Variants in GAS6 observed in about 807,000 individuals in gnomAD.
GAS6 encodes the protein growth arrest-specific protein 6.
A neutral mutation model predicts 75.8 loss-of-function variants in GAS6; 41 were observed. The ratio of observed to expected loss-of-function variants is 0.54; its 90% confidence interval spans 0.42 to 0.70. The LOEUF (loss-of-function observed/expected upper bound fraction) is 0.70. Ranked by LOEUF, GAS6 falls within the 30% of genes least tolerant of loss-of-function variation. The probability of loss-of-function intolerance (pLI) is 0.00; values close to 1 mark genes in which losing one functional copy is unlikely to be tolerated. For synonymous variants in GAS6, 432 were observed against 412.6 expected, an observed-to-expected ratio of 1.05 and a Z score of -0.57; for missense variants, 854 against 940.2, an observed-to-expected ratio of 0.91 and a Z score of 1.20.
rs769241728 is a variant in GAS6 at position 113,821,953 on chromosome 13, C to T, written c.1882+5G>A. 113 of 1,525,788 alleles carry T rather than the reference C, an allele frequency of 7.4e-5. No homozygotes were observed. The highest frequency in any genetic ancestry group is 9.7e-5 in the Non-Finnish European group (111 of 1,138,652). 94.5% of individuals were successfully genotyped at this position (1,525,788 alleles called of 1,614,324 possible). A position where few individuals can be genotyped will look rare whatever the true frequency, so the allele number is the denominator to read the frequency against. ...CCCGGGTTGAGCGGAGCAGGGAGCACCTACCTGGCAGGCCGCCAGCAAAGG... is the reference window on the plus strand; with the variant it reads ...CCCGGGTTGAGCGGAGCAGGGAGCATCTACCTGGCAGGCCGCCAGCAAAGG... On this transcript the variant is annotated splice_donor_5th_base_variant and intron_variant, in intron 14 of 14. Coordinates refer to ENST00000327773, the MANE Select transcript of GAS6 (RefSeq NM_000820.4).
At chr13:113,822,267 C>G (rs2051471085) in intron 13 of GAS6, 81 bp from the exon 14 acceptor site, 1 of 1,092,414 alleles carries the variant, frequency 9.2e-7, no homozygotes, top group Admixed American at 2.8e-5. Flanking sequence ...CTCACAGCTG[C>G]TGGCCACCCC....
At chr13:113,839,935 G>C in intron 4 of GAS6, 85 bp from the exon 5 acceptor site, 1 of 1,597,924 alleles carries the variant, frequency 6.3e-7, no homozygotes, top group Non-Finnish European at 8.5e-7. Flanking sequence ...GCGGCTGTGG[G>C]GTCTCGGGTC....
intron 8 of GAS6, chr13:113,833,500 C>G (rs2138632693): frequency 1.0e-6 from 1 of 993,418 alleles, no homozygotes; most frequent in Middle Eastern, 5.2e-4. Context: ...AGGCACAGGC[C>G]CAGGCTGAAG....
Position 113,863,819 on chromosome 13 carries a change from C to T in GAS6, c.88+14G>A. On this transcript the variant is annotated intron_variant, in intron 1 of 14. Transcript: ENST00000327773. This position sits in a 1 kb window ranked among gnomAD's most constrained non-coding sequence, Gnocchi z 9.4. ...CGCCGCCCGGGGACGGGGTCTCGGG[C>T]CCGCGGGACTCACCAAGCGCGCACT... 2.2e-6 allele frequency: 3 copies of T among 1,367,438 alleles called. No homozygotes were observed. The highest frequency in any genetic ancestry group is 2.8e-6 in the Non-Finnish European group (3 of 1,071,600). The allele number at this position is 1,367,438 out of a possible 1,614,324, so 84.7% of individuals were successfully genotyped here. A position where few individuals can be genotyped will look rare whatever the true frequency, so the allele number is the denominator to read the frequency against.
At position 113,837,109 on chromosome 13, in the gene GAS6, A is replaced by C. The variant is rs2051726078; in HGVS notation, c.589+960T>G. On this transcript the variant is annotated intron_variant, in intron 6 of 14. Transcript: ENST00000327773. The surrounding 1 kb of genome is among the most constrained non-coding windows in gnomAD (Gnocchi z 5.1). Reference sequence around the variant, plus strand: ...TAAACCTGGGGTGCTGCTGTCTTCCAGGTCAGGGATAGAGCAGTGATGGGA... The same window carrying C: ...TAAACCTGGGGTGCTGCTGTCTTCCCGGTCAGGGATAGAGCAGTGATGGGA... Among the ~76,000 whole-genome samples, 1 of 151,876 alleles carries C rather than the reference A, an allele frequency of 6.6e-6. No homozygotes were observed. Among genetic ancestry groups the C allele is most frequent in the East Asian group, 1.9e-4 (1 of 5,174 alleles).
intron 2 of GAS6, among the ~76,000 whole-genome samples, chr13:113,858,399 CTGTG>C (rs141955652): frequency 0.014 from 2,159 of 150,458 alleles, 47 homozygotes; most frequent in African/African-American, 0.05. Flanking sequence ...GTGTGTGTGA[CTGTG>C]TGTTTACATA....
intron 12 of GAS6, among the ~76,000 whole-genome samples, chr13:113,824,476 C>T (rs188894732): frequency 1.1e-3 from 163 of 152,208 alleles, no homozygotes; most frequent in Non-Finnish European, 1.2e-3. Context: ...AATGCCACGG[C>T]ATATCCTCTC....
In GAS6 at chr13:113,828,714, G is replaced by A; in HGVS notation, c.1144-3C>T. On this transcript the variant is annotated splice_polypyrimidine_tract_variant and splice_region_variant and intron_variant, in intron 10 of 14. Coordinates refer to ENST00000327773, the MANE Select transcript of GAS6 (RefSeq NM_000820.4). The stretch of plus-strand genomic sequence containing the variant: ...CGCGCCAGCTCCTCAACAGAGATCT[G>A]AAGAGAGGCAGCGCCATGAGAAAAG... The A allele has an allele frequency of 6.2e-7, 1 of 1,612,582 alleles. No individual in the cohort carries two copies. Among genetic ancestry groups the A allele is most frequent in the Non-Finnish European group, 8.5e-7 (1 of 1,179,538 alleles).
chr13:113,839,668 G>C (rs1594201595), intron 5 of GAS6, 60 bp downstream of exon 5: 1 of 1,590,542 alleles, frequency 6.3e-7, no homozygotes, highest in East Asian at 2.3e-5. Context: ...GTGAGGAGCG[G>C]GGATCAGGGC....
rs113960595 is a variant in GAS6, at chr13:113,829,192, G to C, written c.1144-481C>G. On this transcript the variant is annotated intron_variant, in intron 10 of 14. Coordinates refer to ENST00000327773, the MANE Select transcript of GAS6 (RefSeq NM_000820.4). The stretch of plus-strand genomic sequence containing the variant: ...GAGCCAAGAGGGTCCCGATCTCAGG[G>C]AGACCACCTGATCCTCACCTGGGCC... Among the ~76,000 whole-genome samples the C allele has an allele frequency of 6.9e-3, 444 of 64,798 alleles. 1 individual carries two copies. The highest frequency in any genetic ancestry group is 0.023 in the Middle Eastern group (2 of 86). 42.5% of individuals were successfully genotyped at this position (64,798 alleles called of 152,430 possible).
intron 2 of GAS6, among the ~76,000 whole-genome samples, chr13:113,857,308 AACTGAT>A (rs774822146): frequency 4.6e-5 from 7 of 152,132 alleles, no homozygotes; most frequent in Non-Finnish European, 8.8e-5. Context: ...TGAAAGGCAA[AACTGAT>A]ACTGTTCTTA....
Position 113,823,361 on chromosome 13 carries a change from G to A in GAS6, c.1653+14C>T, listed in dbSNP as rs370213484. On this transcript the variant is annotated intron_variant, in intron 13 of 14. Transcript: ENST00000327773. Reference sequence around the variant, plus strand: ...TCGAGCCGGTCAGGACGCCCTGGGTGGCGGAGGCCCTACCTGCTTCTTGAG... The same window carrying A: ...TCGAGCCGGTCAGGACGCCCTGGGTAGCGGAGGCCCTACCTGCTTCTTGAG... 8.1e-6 allele frequency: 13 copies of A among 1,600,548 alleles called. No homozygotes were observed. The highest frequency in any genetic ancestry group is 1.7e-5 in the Admixed American group (1 of 59,556).
At position 113,837,868 on chromosome 13, in the gene GAS6, C is replaced by T. The variant is rs559789797; in HGVS notation, c.589+201G>A. Among the ~76,000 whole-genome samples the T allele has an allele frequency of 6.6e-6, 1 of 152,168 alleles. No homozygotes were observed. Among genetic ancestry groups the T allele is most frequent in the South Asian group, 2.1e-4 (1 of 4,832 alleles). On this transcript the variant is annotated intron_variant, in intron 6 of 14. Transcript: ENST00000327773. This position sits in a 1 kb window ranked among gnomAD's most constrained non-coding sequence, Gnocchi z 5.1. ...CCCCTGAGTCCTGGCCCTCAGATGC[C>T]GGGTGAGTCATCCTGGTGTGGTGCC...
rs752831869 is a variant in GAS6, at chr13:113,838,162, C to T, written c.496G>A (p.Gly166Ser). The T allele has an allele frequency of 6.2e-7, 1 of 1,612,892 alleles. No individual in the cohort carries two copies. The highest frequency in any genetic ancestry group is 8.5e-7 in the Non-Finnish European group (1 of 1,179,908). ...DVNECSQENGGCLQICHNKPG... is the reference protein window; with the variant it reads ...DVNECSQENGSCLQICHNKPG... Reference sequence around the variant, plus strand: ...TTGTTGTGGCAGATCTGGAGGCAGCCCCCGTTCTCCTGGCTGCATTCGTTG... The same window carrying T: ...TTGTTGTGGCAGATCTGGAGGCAGCTCCCGTTCTCCTGGCTGCATTCGTTG... The change falls in exon 6 of 15, where the codon GGC (glycine) becomes AGC (serine). Residue 166 changes from glycine (G) to serine (S), a missense_variant. By Grantham distance (56) the Gly-to-Ser change is moderately conservative. Transcript: ENST00000327773.
rs1421578749 is a variant in GAS6, at chr13:113,828,686, T to C, written c.1169A>G (p.Asn390Ser). 3.7e-6 allele frequency: 6 copies of C among 1,613,434 alleles called. No homozygotes were observed. In the Admixed American group the frequency reaches 1.0e-4, roughly 27 times the overall value. The part of the protein sequence containing the change: ...QTISVEELAR[N>S]LVIKVNRDAV... Reference sequence around the variant, plus strand: ...ATCCCTGTTGACCTTGATGACCAGATTCCGCGCCAGCTCCTCAACAGAGAT... The same window carrying C: ...ATCCCTGTTGACCTTGATGACCAGACTCCGCGCCAGCTCCTCAACAGAGAT... The change falls in exon 11 of 15, where the codon AAT (asparagine) becomes AGT (serine). Residue 390 changes from asparagine to serine, a missense_variant. By Grantham distance (46) the Asn-to-Ser change is conservative. Transcript: ENST00000327773.
chr13:113,855,088 T>C (rs759911441), intron 2 of GAS6, among the ~76,000 whole-genome samples: 1 of 152,236 alleles, frequency 6.6e-6, no homozygotes, highest in East Asian at 1.9e-4. Flanking sequence ...TGTGATCATA[T>C]AAAACAGCAA....
At chr13:113,846,620 A>T in intron 3 of GAS6, 31 bp from the exon 4 acceptor site, 1 of 1,591,356 alleles carries the variant, frequency 6.3e-7, no homozygotes, top group Non-Finnish European at 8.6e-7. Context: ...GATGTCAGTC[A>T]TCCTTACAAG....
At position 113,837,968 on chromosome 13, in the gene GAS6, A is replaced by G. The variant is rs1215966459; in HGVS notation, c.589+101T>C. The G allele has an allele frequency of 1.4e-6, 2 of 1,457,262 alleles. No individual in the cohort carries two copies. The highest frequency in any genetic ancestry group is 1.4e-5 in the African/African-American group (1 of 71,568). The allele number at this position is 1,457,262 out of a possible 1,614,324, so 90.3% of individuals were successfully genotyped here. On this transcript the variant is annotated intron_variant, in intron 6 of 14. Coordinates refer to ENST00000327773, the MANE Select transcript of GAS6 (RefSeq NM_000820.4). The surrounding 1 kb of genome is among the most constrained non-coding windows in gnomAD (Gnocchi z 5.1). ...GATGCCCCATCCCATCCAGAACCAC[A>G]GGAACCCAGCCAGCAGCAGCCGCTT...
chr13:113,834,056 G>A (rs942440815), intron 8 of GAS6, among the ~76,000 whole-genome samples: 2 of 143,462 alleles, frequency 1.4e-5, no homozygotes, highest in South Asian at 2.2e-4. Flanking sequence ...GATAGGCCCC[G>A]GTGTGACAGG....
Sources: allele counts gnomAD v4.1 joint callset (sites outside exome capture counted in the v4.1 genomes callset), GRCh38; gene constraint gnomAD v4.1.1; non-coding constraint Gnocchi (gnomAD v3.1); transcripts MANE v1.5; gene names NCBI Gene and HGNC (gene_info 2026-07-23, HGNC 2026-07-21).